The following ATXN2 variants were observed in gnomAD, a reference collection of about 807,000 sequenced individuals.
ATXN2 encodes ataxin 2.
A neutral mutation model predicts 138.6 loss-of-function variants in ATXN2; 37 were observed. The observed-to-expected ratio is 0.27, with a 90% CI of 0.21 to 0.35. The LOEUF is 0.35. Ranked by LOEUF, ATXN2 falls within the 10% of genes least tolerant of loss-of-function variation. The probability of loss-of-function intolerance (pLI) is 1.00; values close to 1 mark genes in which losing one functional copy is unlikely to be tolerated. For synonymous variants in ATXN2, 549 were observed against 543.7 expected (o/e 1.01, Z -0.13); for missense variants, 1,216 against 1,480.3 (o/e 0.82, Z 2.93).
chr12:111,531,866 T>C (rs1880856337), intron 5 of ATXN2, among the ~76,000 whole-genome samples: 1 of 152,170 alleles, frequency 6.6e-6, no homozygotes, highest in Non-Finnish European at 1.5e-5. Flanking sequence ...TGAAACCGTA[T>C]TCAGAATGTA....
chr12:111,598,698 G>T lies in ATXN2; in HGVS notation c.251+86C>A. 1 of 911,388 alleles carries T rather than the reference G, an allele frequency of 1.1e-6. No homozygotes were observed. The highest frequency in any genetic ancestry group is 1.3e-6 in the Non-Finnish European group (1 of 741,056). The allele number at this position is 911,388 out of a possible 1,614,324, so 56.5% of individuals were successfully genotyped here. On this transcript the variant is annotated intron_variant, in intron 1 of 24. Coordinates refer to ENST00000673436, the MANE Select transcript of ATXN2 (RefSeq NM_001372574.1). This position sits in a 1 kb window ranked among gnomAD's most constrained non-coding sequence, Gnocchi z 4.5. ...CCCAGCCCACCCCGGGTAGCCCGGC[G>T]GGTCACGGGGCGGGGACGGCGGCGC... is the stretch of plus-strand genomic sequence containing the variant.
At chr12:111,495,796 C>A (rs1245746572) in intron 14 of ATXN2, among the ~76,000 whole-genome samples, 2 of 152,094 alleles carry the variant, frequency 1.3e-5, no homozygotes, top group African/African-American at 4.8e-5. Context: ...ACATTCTTCT[C>A]CTCAACATAT....
intron 5 of ATXN2, among the ~76,000 whole-genome samples, chr12:111,526,155 A>G (rs1447068800): frequency 1.3e-5 from 2 of 151,770 alleles, no homozygotes; most frequent in African/African-American, 4.8e-5. Context: ...TAAGAGATCG[A>G]GACCATCCTG....
At chr12:111,473,282 T>TAA (rs530808822) in intron 18 of ATXN2, among the ~76,000 whole-genome samples, 48 of 131,954 alleles carry the variant, frequency 3.6e-4, no homozygotes, top group Middle Eastern at 3.8e-3. Context: ...TCCAAAAAAT[T>TAA]AAAAAAAAAA....
At chr12:111,526,570 A>G (rs1471744220) in intron 5 of ATXN2, among the ~76,000 whole-genome samples, 1 of 151,546 alleles carries the variant, frequency 6.6e-6, no homozygotes, top group Non-Finnish European at 1.5e-5. Context: ...ACGCCCAGCT[A>G]ATGTTTGTAT....
intron 5 of ATXN2, among the ~76,000 whole-genome samples, chr12:111,541,434 C>T (rs965883826): frequency 7.0e-6 from 1 of 143,538 alleles, no homozygotes; most frequent in African/African-American, 2.5e-5. Context: ...TCACTGCAAC[C>T]TCCACCTCCC....
At chr12:111,565,291 C>G (rs892837788) in intron 1 of ATXN2, among the ~76,000 whole-genome samples, 1 of 152,100 alleles carries the variant, frequency 6.6e-6, no homozygotes, top group Non-Finnish European at 1.5e-5. Context: ...CTGTGGAAAC[C>G]CCGAGTCGGG....
chr12:111,490,190 G>C (rs535650037), intron 14 of ATXN2, among the ~76,000 whole-genome samples: 1 of 147,952 alleles, frequency 6.8e-6, no homozygotes, highest in African/African-American at 2.5e-5. Context: ...CTGGGTGACA[G>C]AGCAAGACTC....
At chr12:111,486,705 C>T (rs1462223289) in intron 16 of ATXN2, 56 bp downstream of exon 16, 2 of 1,433,218 alleles carry the variant, frequency 1.4e-6, no homozygotes, top group Non-Finnish European at 2.0e-6. Context: ...AGGACTATTA[C>T]TAATAATTTT....
intron 1 of ATXN2, among the ~76,000 whole-genome samples, chr12:111,573,431 G>A (rs1883452446): frequency 6.6e-6 from 1 of 151,956 alleles, no homozygotes; most frequent in East Asian, 1.9e-4. Flanking sequence ...CCTGACCTCA[G>A]GCGATCCACA....
At chr12:111,471,855 C>G (rs1388683564) in intron 18 of ATXN2, 3 of 152,136 alleles carry the variant, frequency 2.0e-5, no homozygotes, top group Non-Finnish European at 4.4e-5. Flanking sequence ...ACTATTATTA[C>G]TTTGTTACTT....
chr12:111,543,278 ACT>A (rs1483942025), intron 5 of ATXN2, among the ~76,000 whole-genome samples: 2 of 152,086 alleles, frequency 1.3e-5, no homozygotes. Flanking sequence ...TGTTACTCGT[ACT>A]CTGTTACTGA....
intron 14 of ATXN2, among the ~76,000 whole-genome samples, chr12:111,506,006 G>C (rs1879082384): frequency 6.6e-6 from 1 of 152,176 alleles, no homozygotes; most frequent in Non-Finnish European, 1.5e-5. Flanking sequence ...ATATTAGTCA[G>C]TCACAAAAAG....
intron 5 of ATXN2, among the ~76,000 whole-genome samples, chr12:111,543,004 T>C (rs941610248): frequency 6.6e-6 from 1 of 152,198 alleles, no homozygotes. Context: ...AAGATGACCA[T>C]ATCTTAATAA....
chr12:111,543,728 C>T (rs959614888), intron 5 of ATXN2, among the ~76,000 whole-genome samples: 7 of 152,130 alleles, frequency 4.6e-5, no homozygotes, highest in Non-Finnish European at 8.8e-5. Flanking sequence ...TCTAAAAATG[C>T]TTAGAATAGA....
intron 1 of ATXN2, among the ~76,000 whole-genome samples, chr12:111,562,325 G>C (rs768452279): frequency 6.6e-6 from 1 of 152,066 alleles, no homozygotes; most frequent in Non-Finnish European, 1.5e-5. Flanking sequence ...CCCAGCTACA[G>C]ATGGGAGGTT....
At chr12:111,496,485 G>A (rs1313064726) in intron 14 of ATXN2, among the ~76,000 whole-genome samples, 4 of 151,948 alleles carry the variant, frequency 2.6e-5, no homozygotes, top group South Asian at 2.1e-4. Context: ...GCAGTAAGCC[G>A]AGATCGCGCC....
Position 111,482,311 on chromosome 12 carries a change from C to T in ATXN2, c.2524+2954G>A, listed in dbSNP as rs553076132. ...CCAGGTTCATGCCATTCTCCTGCCTCAGCCTCCCGAGTAGCTGGGACTATA... is the reference window on the plus strand; with the variant it reads ...CCAGGTTCATGCCATTCTCCTGCCTTAGCCTCCCGAGTAGCTGGGACTATA... On this transcript the variant is annotated intron_variant, in intron 18 of 24. Coordinates refer to ENST00000673436, the MANE Select transcript of ATXN2 (RefSeq NM_001372574.1). 1.4e-4 allele frequency among the ~76,000 whole-genome samples: 21 copies of T among 151,634 alleles called. 1 individual carries two copies. In the South Asian group the frequency reaches 4.2e-3, roughly 30 times the overall value.
intron 1 of ATXN2, among the ~76,000 whole-genome samples, chr12:111,570,903 T>C (rs138160752): frequency 1.3e-5 from 2 of 152,358 alleles, no homozygotes; most frequent in African/African-American, 4.8e-5. Context: ...TAGCCATTCA[T>C]ACTGTACTAC....
Sources: gnomAD v4.1 joint callset for allele counts (sites outside exome capture counted in the v4.1 genomes callset) on GRCh38, gnomAD v4.1.1 for gene constraint, Gnocchi (gnomAD v3.1) non-coding constraint, MANE v1.5 for transcripts, NCBI Gene and HGNC (gene_info 2026-07-23, HGNC 2026-07-21) for gene names.